Variants in GLIPR1L2 observed in about 807,000 individuals in gnomAD.
GLIPR1L2 encodes the protein GLIPR1-like protein 2.
GLIPR1L2 carries 21 observed loss-of-function variants against 28.4 expected under a neutral mutation model. That is an observed-to-expected ratio of 0.74 (90% CI 0.52 to 1.06). The LOEUF (loss-of-function observed/expected upper bound fraction) is 1.06, where lower values mean the gene tolerates loss of function less well. Ranked by LOEUF, GLIPR1L2 falls within the 50% of genes least tolerant of loss-of-function variation. The pLI, the probability that GLIPR1L2 is intolerant of heterozygous loss-of-function variation, is 0.00. For synonymous variants in GLIPR1L2, 145 were observed against 139.3 expected (o/e 1.04, Z -0.29); for missense variants, 476 against 416.9 (o/e 1.14, Z -1.23).
chr12:75,410,363 C>G, intron 1 of GLIPR1L2, 71 bp from the exon 2 acceptor site: 2 of 1,370,910 alleles, frequency 1.5e-6, no homozygotes. Flanking sequence ...CTAATGATAA[C>G]TCAAGAAAAA....
chr12:75,412,603 A>G (rs1286543982), intron 2 of GLIPR1L2, among the ~76,000 whole-genome samples: 5 of 152,200 alleles, frequency 3.3e-5, no homozygotes, highest in Non-Finnish European at 7.3e-5. Context: ...AATGCTCATC[A>G]TCACTGGCCG....
intron 1 of GLIPR1L2, among the ~76,000 whole-genome samples, chr12:75,393,514 C>A (rs1387000972): frequency 6.6e-6 from 1 of 152,028 alleles, no homozygotes; most frequent in East Asian, 1.9e-4. Flanking sequence ...TTGTTACTAG[C>A]TTATTTCATT....
chr12:75,430,232 A>G (rs2046077860), intron 4 of GLIPR1L2, among the ~76,000 whole-genome samples: 2 of 152,192 alleles, frequency 1.3e-5, no homozygotes, highest in South Asian at 2.1e-4. Flanking sequence ...GTTAACTAAA[A>G]ATATTGAATG....
chr12:75,423,088 T>A (rs753692992), intron 4 of GLIPR1L2, 99 bp downstream of exon 4: 2 of 1,594,232 alleles, frequency 1.3e-6, no homozygotes, highest in East Asian at 2.2e-5. Context: ...TTAATATTAT[T>A]CCTTTGATCA....
intron 1 of GLIPR1L2, among the ~76,000 whole-genome samples, chr12:75,402,536 A>T (rs2045753726): frequency 6.6e-6 from 1 of 152,172 alleles, no homozygotes; most frequent in African/African-American, 2.4e-5. Context: ...TCTCTTAATA[A>T]TGTTTTCCTT....
intron 3 of GLIPR1L2, among the ~76,000 whole-genome samples, chr12:75,421,316 A>G (rs1488346509): frequency 5.3e-5 from 8 of 152,242 alleles, no homozygotes; most frequent in Admixed American, 2.0e-4. Flanking sequence ...ACAAATAACC[A>G]CAAACCTCTG....
intron 3 of GLIPR1L2, among the ~76,000 whole-genome samples, chr12:75,419,678 C>A (rs1439290887): frequency 6.6e-6 from 1 of 152,140 alleles, no homozygotes; most frequent in African/African-American, 2.4e-5. Flanking sequence ...ACTGTTTTAA[C>A]TGTTTAACTG....
At chr12:75,415,522 T>C (rs528458446) in intron 3 of GLIPR1L2, among the ~76,000 whole-genome samples, 1 of 152,220 alleles carries the variant, frequency 6.6e-6, no homozygotes, top group African/African-American at 2.4e-5. Flanking sequence ...CAAACAGTTC[T>C]ATAGGTCATG....
intron 4 of GLIPR1L2, among the ~76,000 whole-genome samples, chr12:75,428,831 G>A (rs1237564704): frequency 6.6e-6 from 1 of 152,248 alleles, no homozygotes; most frequent in African/African-American, 2.4e-5. Flanking sequence ...AAGGGTGCAA[G>A]CCCCAAGCCT....
chr12:75,403,780 A>G (rs2045767817), intron 1 of GLIPR1L2, among the ~76,000 whole-genome samples: 1 of 151,952 alleles, frequency 6.6e-6, no homozygotes, highest in Non-Finnish European at 1.5e-5. Context: ...CTCTACAGTT[A>G]CTAGAACTTT....
intron 4 of GLIPR1L2, among the ~76,000 whole-genome samples, chr12:75,424,285 T>C (rs2046010553): frequency 6.6e-6 from 1 of 152,236 alleles, no homozygotes; most frequent in Non-Finnish European, 1.5e-5. Context: ...TGGTATCTCA[T>C]TGTGGTTTTG....
chr12:75,422,992 A>G lies in GLIPR1L2; in HGVS notation c.670+3A>G, dbSNP rs758130499. On this transcript the variant is annotated splice_donor_region_variant and intron_variant, in intron 4 of 5. Coordinates refer to ENST00000550916, the MANE Select transcript of GLIPR1L2 (RefSeq NM_001270396.2). ...CAAATGCACAGATTTTCTATGCAGT[A>G]AGATAAAGAAAATAAACATGAAAAA... 1.2e-5 allele frequency: 20 copies of G among 1,611,448 alleles called. No individual in the cohort carries two copies. The highest frequency in any genetic ancestry group is 1.6e-5 in the Non-Finnish European group (19 of 1,178,234).
At position 75,392,645 on chromosome 12, in the gene GLIPR1L2, C is replaced by G. The variant is rs116479541; in HGVS notation, c.234+1295C>G. On this transcript the variant is annotated intron_variant, in intron 1 of 5. Coordinates refer to ENST00000550916, the MANE Select transcript of GLIPR1L2 (RefSeq NM_001270396.2). Reference sequence around the variant, plus strand: ...TTTTTGTGACTAATTCTGTTTCTTCCCAATTTGAAGATTATCCTTACTCCT... The same window carrying G: ...TTTTTGTGACTAATTCTGTTTCTTCGCAATTTGAAGATTATCCTTACTCCT... Among the ~76,000 whole-genome samples the G allele has an allele frequency of 3.6e-3, 541 of 151,964 alleles. 7 individuals carry two copies. Among genetic ancestry groups the G allele is most frequent in the African/African-American group, 0.013 (530 of 41,464 alleles).
intron 3 of GLIPR1L2, among the ~76,000 whole-genome samples, chr12:75,422,201 C>T (rs2045983805): frequency 6.6e-6 from 1 of 151,456 alleles, no homozygotes; most frequent in South Asian, 2.1e-4. Flanking sequence ...GCTATGTTAC[C>T]CAGGCTGGTC....
rs965249180 is a variant in GLIPR1L2 at position 75,413,448 on chromosome 12, A to G, written c.481-150A>G. The G allele has an allele frequency of 1.1e-5, 5 of 466,880 alleles. No homozygotes were observed. The Admixed American group carries it at 2.0e-4, about 19-fold the overall frequency. The allele number at this position is 466,880 out of a possible 1,614,324, so 28.9% of individuals were successfully genotyped here. A position where few individuals can be genotyped will look rare whatever the true frequency, so the allele number is the denominator to read the frequency against. The stretch of plus-strand genomic sequence containing the variant: ...GAAAATGCTGCCCGAACTCCTTGGT[A>G]ACTCTCTACATGTCTCTAAATGAAA... On this transcript the variant is annotated intron_variant, in intron 2 of 5. Transcript: ENST00000550916.
intron 1 of GLIPR1L2, among the ~76,000 whole-genome samples, chr12:75,406,780 A>C (rs1318519292): frequency 6.3e-5 from 7 of 111,708 alleles, no homozygotes; most frequent in Admixed American, 3.9e-4. Flanking sequence ...AAAAAGAGAG[A>C]GAGAGAGAAA....
chr12:75,430,502 C>T (rs539302050), intron 4 of GLIPR1L2, among the ~76,000 whole-genome samples: 16 of 152,238 alleles, frequency 1.1e-4, no homozygotes, highest in East Asian at 7.7e-4. Context: ...TATCTCTTTA[C>T]GCATATATTT....
At position 75,393,709 on chromosome 12, in the gene GLIPR1L2, G is replaced by A. The variant is rs987701287; in HGVS notation, c.234+2359G>A. ...GAATAATACTGCTATAGACATGGGT[G>A]TACATTTATCTGCTCCAGTTCCTGA... On this transcript the variant is annotated intron_variant, in intron 1 of 5. Transcript: ENST00000550916. 5.3e-5 allele frequency among the ~76,000 whole-genome samples: 8 copies of A among 152,056 alleles called. 1 individual carries two copies. The highest frequency in any genetic ancestry group is 5.2e-4 in the Admixed American group (8 of 15,284).
At chr12:75,419,381 T>C (rs544121722) in intron 3 of GLIPR1L2, among the ~76,000 whole-genome samples, 1 of 152,222 alleles carries the variant, frequency 6.6e-6, no homozygotes, top group South Asian at 2.1e-4. Flanking sequence ...GGATCCAGAA[T>C]GTAGCTATAA....
Sources: allele counts gnomAD v4.1 joint callset (sites outside exome capture counted in the v4.1 genomes callset), GRCh38; gene constraint gnomAD v4.1.1; transcripts MANE v1.5; gene names NCBI Gene and HGNC (gene_info 2026-07-23, HGNC 2026-07-21).